CNTNAP2: variants seen among roughly 807,000 people sequenced by gnomAD.
The protein encoded by CNTNAP2 is contactin associated protein 2.
Under a neutral mutation model 155.2 loss-of-function variants are expected in CNTNAP2, and 98 were observed. That is an observed-to-expected ratio of 0.63 (90% confidence interval 0.54 to 0.75). The LOEUF (loss-of-function observed/expected upper bound fraction) is 0.75, where lower values mean the gene tolerates loss of function less well. Ranked by LOEUF, CNTNAP2 falls within the 30% of genes least tolerant of loss-of-function variation. The pLI is 0.00. For missense variants in CNTNAP2, 1,727 were observed against 1,688.1 expected, an observed-to-expected ratio of 1.02 and a Z score of -0.40; for synonymous variants, 651 against 631.2, an observed-to-expected ratio of 1.03 and a Z score of -0.47.
At chr7:147,703,367 C>A (rs764195954) in intron 13 of CNTNAP2, among the ~76,000 whole-genome samples, 29 of 152,148 alleles carry the variant, frequency 1.9e-4, no homozygotes, top group Non-Finnish European at 3.4e-4. Context: ...GAGGAGCCAC[C>A]AGAATTTTAT....
At chr7:146,351,452 A>G (rs934705276) in intron 1 of CNTNAP2, among the ~76,000 whole-genome samples, 10 of 152,176 alleles carry the variant, frequency 6.6e-5, no homozygotes, top group African/African-American at 2.4e-4. Flanking sequence ...CAAAACAGCA[A>G]AAATGCTTCA....
At chr7:147,204,324 AAATT>A (rs1802977701) in intron 8 of CNTNAP2, among the ~76,000 whole-genome samples, 1 of 152,148 alleles carries the variant, frequency 6.6e-6, no homozygotes, top group Admixed American at 6.5e-5. Context: ...ATTGAAGATG[AAATT>A]AATTATTTAA....
At chr7:146,220,795 G>A (rs1270600071) in intron 1 of CNTNAP2, among the ~76,000 whole-genome samples, 2 of 152,166 alleles carry the variant, frequency 1.3e-5, no homozygotes, top group Non-Finnish European at 2.9e-5. Flanking sequence ...CTGGGATTTG[G>A]AATTATTGGA....
chr7:148,276,463 A>G (rs1796871828), intron 21 of CNTNAP2, among the ~76,000 whole-genome samples: 1 of 152,204 alleles, frequency 6.6e-6, no homozygotes, highest in Non-Finnish European at 1.5e-5. Flanking sequence ...CCCATCCTGC[A>G]GTGATGAGGG....
In CNTNAP2 at chr7:148,369,181, C is replaced by CTTTTTTTTTTTTTTT. The variant is rs376460265; in HGVS notation, c.3476-14452_3476-14438dup. On this transcript the variant is annotated intron_variant, in intron 21 of 23. Transcript: ENST00000361727. ...ATTTTTTTTAATTAAAATTGAATCC[C>CTTTTTTTTTTTTTTT]TTTTTTTTTTTTTTTTTTTTTTTTT... Among the ~76,000 whole-genome samples, 10 of 92,306 alleles carry CTTTTTTTTTTTTTTT rather than the reference C, an allele frequency of 1.1e-4. 3 individuals are homozygous for CTTTTTTTTTTTTTTT. Among genetic ancestry groups the CTTTTTTTTTTTTTTT allele is most frequent in the Non-Finnish European group, 7.3e-5 (4 of 54,604 alleles). 60.6% of individuals were successfully genotyped at this position (92,306 alleles called of 152,430 possible). A position where few individuals can be genotyped will look rare whatever the true frequency, so the allele number is the denominator to read the frequency against.
intron 1 of CNTNAP2, among the ~76,000 whole-genome samples, chr7:146,283,078 C>T (rs999752525): frequency 2.0e-5 from 3 of 152,154 alleles, no homozygotes; most frequent in Non-Finnish European, 1.5e-5. Context: ...TGAATGTTTA[C>T]GTAACCTTTT....
rs10635826 is a variant in CNTNAP2, at chr7:147,448,482, G to GTATATATATA, written c.1671-37452_1671-37451insATATATATAT. 4.8e-5 allele frequency among the ~76,000 whole-genome samples: 5 copies of GTATATATATA among 103,364 alleles called. No homozygotes were observed. In the South Asian group the frequency reaches 1.2e-3, roughly 26 times the overall value. 67.8% of individuals were successfully genotyped at this position (103,364 alleles called of 152,430 possible). Reference sequence around the variant, plus strand: ...AAAAACAAACCAAATATGTGTGTGTGTGTATATATATATATATATATATGC... The same window carrying GTATATATATA: ...AAAAACAAACCAAATATGTGTGTGTGTATATATATATGTATATATATATATATATATATGC... On this transcript the variant is annotated intron_variant, in intron 10 of 23. Coordinates refer to ENST00000361727, the MANE Select transcript of CNTNAP2 (RefSeq NM_014141.6).
At chr7:147,485,212 C>T (rs1798489962) in intron 10 of CNTNAP2, among the ~76,000 whole-genome samples, 1 of 152,180 alleles carries the variant, frequency 6.6e-6, no homozygotes, top group South Asian at 2.1e-4. Context: ...ACTTCATGAA[C>T]ATTATCCTCA....
At chr7:147,906,355 C>T (rs569086228) in intron 14 of CNTNAP2, among the ~76,000 whole-genome samples, 1 of 151,356 alleles carries the variant, frequency 6.6e-6, no homozygotes, top group Non-Finnish European at 1.5e-5. Flanking sequence ...ATTTTTAGTA[C>T]AGACGGGGTT....
chr7:146,860,347 C>T lies in CNTNAP2; in HGVS notation c.402+20443C>T, dbSNP rs563614627. 8.5e-5 allele frequency among the ~76,000 whole-genome samples: 13 copies of T among 152,096 alleles called. No homozygotes were observed. The South Asian group carries it at 2.7e-3, about 32-fold the overall frequency. The stretch of plus-strand genomic sequence containing the variant: ...TCTTTTTTATCTTTTATAGGCCAGG[C>T]AAAAGTGGAACATGTCTGTAGGTAA... On this transcript the variant is annotated intron_variant, in intron 3 of 23. Coordinates refer to ENST00000361727, the MANE Select transcript of CNTNAP2 (RefSeq NM_014141.6).
At chr7:148,122,217 G>T (rs971732417) in intron 16 of CNTNAP2, among the ~76,000 whole-genome samples, 9 of 152,202 alleles carry the variant, frequency 5.9e-5, no homozygotes, top group East Asian at 1.9e-4. Context: ...AAGTGGCAGA[G>T]CTGGTGTTTG....
chr7:146,644,625 G>C (rs767126595), intron 1 of CNTNAP2, among the ~76,000 whole-genome samples: 43 of 151,880 alleles, frequency 2.8e-4, no homozygotes, highest in Non-Finnish European at 5.6e-4. Flanking sequence ...GCAAATAGAC[G>C]CAATAAAAAA....
At chr7:146,625,545 A>T (rs1392396268) in intron 1 of CNTNAP2, among the ~76,000 whole-genome samples, 1 of 152,070 alleles carries the variant, frequency 6.6e-6, no homozygotes, top group African/African-American at 2.4e-5. Flanking sequence ...TCTGTGAGTT[A>T]CAAATTCTAT....
chr7:146,873,698 G>A (rs1185426228), intron 3 of CNTNAP2, among the ~76,000 whole-genome samples: 3 of 152,078 alleles, frequency 2.0e-5, no homozygotes, highest in Non-Finnish European at 4.4e-5. Flanking sequence ...ACTACAAGAT[G>A]TTTCCTATTT....
intron 11 of CNTNAP2, among the ~76,000 whole-genome samples, chr7:147,533,748 C>G (rs887868836): frequency 2.6e-5 from 4 of 150,962 alleles, no homozygotes; most frequent in African/African-American, 9.7e-5. Context: ...ACTTCATTGC[C>G]TCAGTGATAG....
At chr7:147,073,892 T>C (rs1799946410) in intron 4 of CNTNAP2, among the ~76,000 whole-genome samples, 1 of 152,094 alleles carries the variant, frequency 6.6e-6, no homozygotes, top group Non-Finnish European at 1.5e-5. Flanking sequence ...AGGGTGGGGT[T>C]AGGAGATTGA....
intron 1 of CNTNAP2, among the ~76,000 whole-genome samples, chr7:146,163,752 G>T (rs561457239): frequency 2.6e-5 from 4 of 151,476 alleles, no homozygotes; most frequent in African/African-American, 7.3e-5. Context: ...AAAAGAAAAA[G>T]AAAGGTTGTT....
At chr7:146,776,240 C>T (rs1258839638) in intron 2 of CNTNAP2, among the ~76,000 whole-genome samples, 1 of 152,044 alleles carries the variant, frequency 6.6e-6, no homozygotes, top group African/African-American at 2.4e-5. Context: ...AAAAGAAGTG[C>T]CATAATGCCG....
intron 1 of CNTNAP2, among the ~76,000 whole-genome samples, chr7:146,364,648 T>C (rs1311482442): frequency 6.6e-6 from 1 of 152,192 alleles, no homozygotes; most frequent in Admixed American, 6.5e-5. Context: ...TAAATTCTCC[T>C]AGTGAGAACA....
Sources: gnomAD v4.1 joint callset for allele counts (sites outside exome capture counted in the v4.1 genomes callset) on GRCh38, gnomAD v4.1.1 for gene constraint, MANE v1.5 for transcripts, NCBI Gene and HGNC (gene_info 2026-07-23, HGNC 2026-07-21) for gene names.